ALOX12: variants seen among roughly 807,000 people sequenced by gnomAD.
ALOX12 encodes the protein polyunsaturated fatty acid lipoxygenase ALOX12.
ALOX12 carries 62 observed loss-of-function variants against 85.5 expected under a neutral mutation model. That is an observed-to-expected ratio of 0.73 (90% CI 0.59 to 0.90). The LOEUF (loss-of-function observed/expected upper bound fraction) is 0.90. Ranked by LOEUF, ALOX12 falls within the 40% of genes least tolerant of loss-of-function variation. The pLI, the probability that ALOX12 is intolerant of heterozygous loss-of-function variation, is 0.00. For synonymous variants in ALOX12, 299 were observed against 332.7 expected (o/e 0.90, Z 1.10); for missense variants, 751 against 856.5 (o/e 0.88, Z 1.54).
In ALOX12 at chr17:6,996,995, G is replaced by T; in HGVS notation, c.305G>T (p.Gly102Val). ...VAFPCYRWVQ[G>V]EDILSLPEGT... Reference sequence around the variant, plus strand: ...TTCCCGTGCTACCGCTGGGTGCAGGGCGAGGACATCCTGAGCCTGCCCGAG... The same window carrying T: ...TTCCCGTGCTACCGCTGGGTGCAGGTCGAGGACATCCTGAGCCTGCCCGAG... The change falls in exon 2 of 14, where the codon GGC becomes GTC. Residue 102 changes from glycine (G) to valine (V), a missense_variant. By Grantham distance (109) the Gly-to-Val change is moderately radical. Transcript: ENST00000251535. The T allele has an allele frequency of 6.4e-7, 1 of 1,560,268 alleles. No individual in the cohort carries two copies.
chr17:6,996,140 T>C lies in ALOX12; in HGVS notation c.23T>C (p.Val8Ala). 8.0e-7 allele frequency: 1 copy of C among 1,252,832 alleles called. No individual in the cohort carries two copies. The highest frequency in any genetic ancestry group is 2.5e-4 in the Middle Eastern group (1 of 3,988). 77.6% of individuals were successfully genotyped at this position (1,252,832 alleles called of 1,614,324 possible). A position where few individuals can be genotyped will look rare whatever the true frequency, so the allele number is the denominator to read the frequency against. Reference protein sequence around the residue: MGRYRIRVATGAWLFSGS... With the variant: MGRYRIRAATGAWLFSGS... The stretch of plus-strand genomic sequence containing the variant: ...GCCATGGGCCGCTACCGCATCCGCG[T>C]GGCCACCGGGGCCTGGCTCTTCTCC... Residue 8 changes from valine to alanine, a missense_variant, in exon 1 of 14, where the codon GTG (valine) becomes GCG (alanine). Val to Ala is a moderately conservative substitution (Grantham distance 64). Coordinates refer to ENST00000251535, the MANE Select transcript of ALOX12 (RefSeq NM_000697.3).
chr17:7,010,248 C>T lies in ALOX12; in HGVS notation c.1817C>T (p.Pro606Leu), dbSNP rs752646856. 9 of 1,613,482 alleles carry T rather than the reference C, an allele frequency of 5.6e-6. No individual in the cohort carries two copies. The highest frequency in any genetic ancestry group is 7.6e-6 in the Non-Finnish European group (9 of 1,179,794). The stretch of plus-strand genomic sequence containing the variant: ...TGATCCTTTGTTCTGTCTCAGGTGC[C>T]TCTGGGGCACCACAAAGAAAAATAT... ...HLSRRQPDMV[P>L]LGHHKEKYFS... Residue 606 changes from proline (P) to leucine (L), a missense_variant, in exon 14 of 14, where the codon CCT becomes CTT. Coordinates refer to ENST00000251535, the MANE Select transcript of ALOX12 (RefSeq NM_000697.3).
intron 6 of ALOX12, among the ~76,000 whole-genome samples, chr17:6,999,824 G>A (rs541238420): frequency 6.6e-6 from 1 of 152,286 alleles, no homozygotes; most frequent in African/African-American, 2.4e-5. Context: ...AAAAGAGAGC[G>A]GGGTTTGGAA....
At chr17:6,999,673 C>T in intron 6 of ALOX12, 1 of 556,400 alleles carries the variant, frequency 1.8e-6, no homozygotes, top group Non-Finnish European at 3.2e-6. Context: ...GAATGGATCC[C>T]CAGCACACAG....
intron 11 of ALOX12, among the ~76,000 whole-genome samples, chr17:7,008,543 C>T (rs1463011254): frequency 6.6e-6 from 1 of 152,126 alleles, no homozygotes. Context: ...GCCAGGAGTT[C>T]CAGACCAGCC....
rs1228380556 is a variant in ALOX12, at chr17:7,000,183, G to A, written c.808-153G>A. Among the ~76,000 whole-genome samples, 1 of 152,158 alleles carries A rather than the reference G, an allele frequency of 6.6e-6. No individual in the cohort carries two copies. Among genetic ancestry groups the A allele is most frequent in the Non-Finnish European group, 1.5e-5 (1 of 68,026 alleles). On this transcript the variant is annotated intron_variant, in intron 6 of 13. Coordinates refer to ENST00000251535, the MANE Select transcript of ALOX12 (RefSeq NM_000697.3). The surrounding 1 kb of genome is among the most constrained non-coding windows in gnomAD (Gnocchi z 4.6). ...ACTGTTTCTTCACTTTAAGATGAGA[G>A]GAACTGGACCAGGGGCTCTAGTTCT...
chr17:6,999,466 G>A lies in ALOX12; in HGVS notation c.807G>A (p.Gln269=). The A allele has an allele frequency of 1.2e-6, 2 of 1,614,020 alleles. No homozygotes were observed. Among genetic ancestry groups the A allele is most frequent in the South Asian group, 1.1e-5 (1 of 91,076 alleles). ...ELQAQLEKEL[Q]NGSLFEADFI... is the part of the protein sequence containing the mutation. ...AGGCTCAACTGGAGAAAGAACTTCAGGTACCTCTCCTTCCCCTGCCTGGCA... is the reference window on the plus strand; with the variant it reads ...AGGCTCAACTGGAGAAAGAACTTCAAGTACCTCTCCTTCCCCTGCCTGGCA... The change falls in exon 6 of 14, where the codon CAG becomes CAA. Residue 269 remains glutamine (Q), a splice_region_variant and synonymous_variant. Transcript: ENST00000251535.
At chr17:6,997,659 G>A (rs1421219491) in intron 2 of ALOX12, among the ~76,000 whole-genome samples, 2 of 149,736 alleles carry the variant, frequency 1.3e-5, no homozygotes, top group African/African-American at 4.9e-5. Context: ...CTGGGTTCAC[G>A]CCATTCTCCT....
rs1387567362 is a variant in ALOX12 at position 7,006,500 on chromosome 17, T to C, written c.1433T>C (p.Ile478Thr). ...WEIIARYVEGIVHLFYQRDDI... is the reference protein window; with the variant it reads ...WEIIARYVEGTVHLFYQRDDI... ...CCCCTGGGCAGGTATGTGGAGGGGATCGTCCACCTCTTCTACCAAAGGGAT... is the reference window on the plus strand; with the variant it reads ...CCCCTGGGCAGGTATGTGGAGGGGACCGTCCACCTCTTCTACCAAAGGGAT... Residue 478 changes from isoleucine to threonine, a missense_variant, in exon 11 of 14, where the codon ATC becomes ACC. Coordinates refer to ENST00000251535, the MANE Select transcript of ALOX12 (RefSeq NM_000697.3). 1 of 1,613,610 alleles carries C rather than the reference T, an allele frequency of 6.2e-7. No individual in the cohort carries two copies. Among genetic ancestry groups the C allele is most frequent in the Middle Eastern group, 1.7e-4 (1 of 6,036 alleles).
In ALOX12 at chr17:7,010,132, A is replaced by G; in HGVS notation, c.1812+6A>G. On this transcript the variant is annotated splice_donor_region_variant and intron_variant, in intron 13 of 13. Transcript: ENST00000251535. ...GTCGCCGCCAGCCAGACATGGTGAGAGGGGACTCTCGGGAGAGGGAAATGA... is the reference window on the plus strand; with the variant it reads ...GTCGCCGCCAGCCAGACATGGTGAGGGGGGACTCTCGGGAGAGGGAAATGA... The G allele has an allele frequency of 6.2e-7, 1 of 1,609,348 alleles. No individual in the cohort carries two copies. Among genetic ancestry groups the G allele is most frequent in the Non-Finnish European group, 8.5e-7 (1 of 1,176,920 alleles).
At chr17:7,006,311 G>T (rs1175118414) in intron 10 of ALOX12, among the ~76,000 whole-genome samples, 175 bp from the exon 11 acceptor site, 3 of 152,054 alleles carry the variant, frequency 2.0e-5, no homozygotes, top group African/African-American at 7.2e-5. Context: ...CGAATTCCTA[G>T]AACTAAGGAC....
intron 11 of ALOX12, among the ~76,000 whole-genome samples, chr17:7,007,034 T>A (rs1042101167): frequency 1.3e-5 from 2 of 152,268 alleles, no homozygotes; most frequent in South Asian, 4.1e-4. Flanking sequence ...CTCCCTCTCT[T>A]CCTGCCTGCC....
intron 7 of ALOX12, 136 bp from the exon 8 acceptor site, chr17:7,001,466 G>A: frequency 2.2e-6 from 2 of 917,598 alleles, no homozygotes; most frequent in South Asian, 1.6e-5. Context: ...GGCAGGCTGG[G>A]AGGGTTCACA....
At chr17:6,997,065 C>T (rs991905210) in intron 2 of ALOX12, 38 bp downstream of exon 2, 21 of 1,504,026 alleles carry the variant, frequency 1.4e-5, no homozygotes, top group Non-Finnish European at 1.8e-5. Flanking sequence ...CACAAGGTCT[C>T]GGGAACTGCT....
In ALOX12 at chr17:7,000,354, G is replaced by A. The variant is rs762453788; in HGVS notation, c.826G>A (p.Ala276Thr). The A allele has an allele frequency of 1.2e-6, 2 of 1,614,148 alleles. No homozygotes were observed. The highest frequency in any genetic ancestry group is 2.2e-5 in the South Asian group (2 of 91,076). ...TCCCCAGAATGGTTCCCTGTTTGAA[G>A]CTGACTTCATCCTTCTGGATGGAAT... ...KELQNGSLFE[A>T]DFILLDGIPA... The change falls in exon 7 of 14, where the codon GCT becomes ACT. Residue 276 changes from alanine to threonine, a missense_variant. Transcript: ENST00000251535. The surrounding 1 kb of genome is among the most constrained non-coding windows in gnomAD (Gnocchi z 4.6).
intron 4 of ALOX12, 32 bp from the exon 5 acceptor site, chr17:6,998,921 G>A: frequency 6.2e-7 from 1 of 1,614,066 alleles, no homozygotes; most frequent in Non-Finnish European, 8.5e-7. Flanking sequence ...TGAGGGATCA[G>A]CTGATGAGTT....
At chr17:7,004,297 AAATTTTAATATTTTT>A (rs1466741824) in intron 8 of ALOX12, among the ~76,000 whole-genome samples, 1 of 8,070 alleles carries the variant, frequency 1.2e-4, no homozygotes, top group Admixed American at 7.7e-4. Flanking sequence ...ATATTAAATT[AAATTTTAATATTTTT>A]AATTTTAATA....
chr17:7,002,132 A>G (rs968638374), intron 8 of ALOX12: 22 of 369,438 alleles, frequency 6.0e-5, no homozygotes, highest in East Asian at 2.7e-4. Context: ...TGATGCCCAT[A>G]AGAACCAACC....
At position 6,996,917 on chromosome 17, in the gene ALOX12, G is replaced by A; in HGVS notation, c.227G>A (p.Trp76Ter). ...RKHHWLVDDAWFCDRITVQGP... is the reference protein window; with the variant it reads ...RKHHWLVDDA ...CACCACTGGCTGGTGGACGACGCGT[G>A]GTTCTGCGACCGCATCACGGTGCAG... The change falls in exon 2 of 14, where the codon TGG becomes TAG. Residue 76 changes from tryptophan to a stop codon, truncating the protein, a stop_gained. Transcript: ENST00000251535. LOFTEE classifies it high-confidence loss of function. 3 of 1,612,760 alleles carry A rather than the reference G, an allele frequency of 1.9e-6. No homozygotes were observed. The highest frequency in any genetic ancestry group is 2.5e-6 in the Non-Finnish European group (3 of 1,179,442).
Sources: allele counts gnomAD v4.1 joint callset (sites outside exome capture counted in the v4.1 genomes callset), GRCh38; gene constraint gnomAD v4.1.1; non-coding constraint Gnocchi (gnomAD v3.1); transcripts MANE v1.5; gene names NCBI Gene and HGNC (gene_info 2026-07-23, HGNC 2026-07-21).